The following AEBP2 variants were observed in gnomAD, a reference collection of about 807,000 sequenced individuals.
AEBP2 encodes the protein zinc finger protein AEBP2.
In AEBP2, 10 loss-of-function variants were observed where a neutral mutation model predicts 50.8. The ratio of observed to expected loss-of-function variants is 0.20; its 90% CI spans 0.12 to 0.33. The LOEUF is 0.33. AEBP2 is among the 10% of genes least tolerant of loss of function. The pLI, the probability that AEBP2 is intolerant of heterozygous loss-of-function variation, is 1.00. For synonymous variants in AEBP2, 296 were observed against 261.3 expected (o/e 1.13, Z -1.28); for missense variants, 570 against 688.0 (o/e 0.83, Z 1.92).
intron 3 of AEBP2, among the ~76,000 whole-genome samples, chr12:19,482,506 G>A (rs1948745173): frequency 6.6e-6 from 1 of 152,196 alleles, no homozygotes; most frequent in Non-Finnish European, 1.5e-5. Flanking sequence ...ATTCTGTCAT[G>A]AGTTGCTCTA....
At chr12:19,501,280 G>A (rs955680096) in intron 5 of AEBP2, among the ~76,000 whole-genome samples, 20 of 148,894 alleles carry the variant, frequency 1.3e-4, no homozygotes, top group Non-Finnish European at 2.7e-4. Flanking sequence ...GCTGTGAGCC[G>A]AGATCGCACC....
chr12:19,495,199 G>GA (rs1662358604), intron 4 of AEBP2, among the ~76,000 whole-genome samples: 3 of 152,156 alleles, frequency 2.0e-5, no homozygotes, highest in Non-Finnish European at 4.4e-5. Flanking sequence ...CACTGTGCTC[G>GA]AGCAGCTGGT....
chr12:19,497,689 C>G (rs568593113), intron 4 of AEBP2, among the ~76,000 whole-genome samples: 1 of 152,154 alleles, frequency 6.6e-6, no homozygotes, highest in East Asian at 1.9e-4. Context: ...GCCACCAAGT[C>G]TCAAACTCCT....
rs117312370 is a variant in AEBP2 at position 19,505,124 on chromosome 12, C to G, written c.1299+4903C>G. Among the ~76,000 whole-genome samples the G allele has an allele frequency of 1.9e-3, 285 of 152,302 alleles. 2 individuals carry two copies. In the East Asian group the frequency reaches 0.04, roughly 22 times the overall value. On this transcript the variant is annotated intron_variant, in intron 5 of 7. Transcript: ENST00000266508. The stretch of plus-strand genomic sequence containing the variant: ...ACCAGAAAGAGTTAATATGGCTGCT[C>G]TGGGGACTTTGTGGGGATTCAGCAA...
chr12:19,455,880 T>C (rs1948261005), intron 1 of AEBP2, among the ~76,000 whole-genome samples: 2 of 152,186 alleles, frequency 1.3e-5, no homozygotes, highest in African/African-American at 2.4e-5. Context: ...CATTTTACCA[T>C]ATGAAACAAT....
chr12:19,516,687 A>T (rs183952876), intron 7 of AEBP2, among the ~76,000 whole-genome samples: 1 of 152,162 alleles, frequency 6.6e-6, no homozygotes, highest in African/African-American at 2.4e-5. Flanking sequence ...TGTTCTTAAG[A>T]TATATTAGGT....
chr12:19,448,273 C>T (rs1036168250), intron 1 of AEBP2, among the ~76,000 whole-genome samples: 3 of 151,996 alleles, frequency 2.0e-5, no homozygotes, highest in African/African-American at 7.3e-5. Context: ...TGTTTATTTC[C>T]TCTAGGCTAT....
At chr12:19,462,946 T>C (rs1196912077) in intron 2 of AEBP2, among the ~76,000 whole-genome samples, 1 of 152,214 alleles carries the variant, frequency 6.6e-6, no homozygotes, top group African/African-American at 2.4e-5. Flanking sequence ...TTGAAGAAAT[T>C]AGACTTTTAA....
intron 1 of AEBP2, among the ~76,000 whole-genome samples, chr12:19,419,660 C>T (rs1169258283): frequency 1.3e-5 from 2 of 150,714 alleles, no homozygotes; most frequent in South Asian, 4.2e-4. Flanking sequence ...CCGGGCATGG[C>T]GGCTCACCCC....
chr12:19,406,706 G>A (rs1288129780), intron 1 of AEBP2, among the ~76,000 whole-genome samples: 1 of 151,936 alleles, frequency 6.6e-6, no homozygotes, highest in Non-Finnish European at 1.5e-5. Context: ...ATTTTACTGA[G>A]GTCTATTTTA....
chr12:19,465,308 C>T (rs540997754), intron 2 of AEBP2, among the ~76,000 whole-genome samples: 15 of 152,036 alleles, frequency 9.9e-5, no homozygotes, highest in Non-Finnish European at 1.5e-4. Context: ...ACAGAAGAAC[C>T]GCTTGAACCC....
At chr12:19,456,866 A>T in intron 1 of AEBP2, 2 of 1,512,148 alleles carry the variant, frequency 1.3e-6, no homozygotes, top group Admixed American at 3.3e-5. Flanking sequence ...CAATACCACC[A>T]ATTTTTGTAG....
At chr12:19,488,675 C>T (rs1948851349) in intron 3 of AEBP2, among the ~76,000 whole-genome samples, 1 of 152,104 alleles carries the variant, frequency 6.6e-6, no homozygotes, top group Non-Finnish European at 1.5e-5. Flanking sequence ...ATAAGATGAT[C>T]TTAGCACTTA....
intron 4 of AEBP2, among the ~76,000 whole-genome samples, chr12:19,495,189 CA>C (rs1281387081): frequency 6.6e-6 from 1 of 152,190 alleles, no homozygotes; most frequent in Non-Finnish European, 1.5e-5. Flanking sequence ...AGGCATGAGC[CA>C]CTGTGCTCGA....
At chr12:19,494,072 A>G (rs988482127) in intron 4 of AEBP2, 86 bp downstream of exon 4, 4 of 1,377,150 alleles carry the variant, frequency 2.9e-6, no homozygotes, top group Middle Eastern at 2.6e-4. Context: ...TTGAACTTCA[A>G]CTCCTCTTCT....
At position 19,500,101 on chromosome 12, in the gene AEBP2, G is replaced by A. The variant is rs758798599; in HGVS notation, c.1179G>A (p.Arg393=). 8 of 1,604,200 alleles carry A rather than the reference G, an allele frequency of 5.0e-6. No homozygotes were observed. In the East Asian group the frequency reaches 9.0e-5, roughly 18 times the overall value. ...ACTTTTTATGTTGACTTTTAGCACGGCCACATGATTTCTTCGATGCACAAA... is the reference window on the plus strand; with the variant it reads ...ACTTTTTATGTTGACTTTTAGCACGACCACATGATTTCTTCGATGCACAAA... ...LKNKRRRSLP[R]PHDFFDAQTL... Residue 393 remains arginine, a synonymous_variant, in exon 5 of 8, where the codon CGG becomes CGA. Transcript: ENST00000266508.
intron 2 of AEBP2, chr12:19,466,819 G>C: frequency 1.0e-6 from 1 of 984,392 alleles, no homozygotes; most frequent in Non-Finnish European, 1.2e-6. Context: ...TTATGCTTCT[G>C]ATTATTGAAA....
intron 2 of AEBP2, among the ~76,000 whole-genome samples, chr12:19,471,427 T>C (rs1233585209): frequency 5.9e-5 from 9 of 152,112 alleles, no homozygotes; most frequent in Non-Finnish European, 1.0e-4. Flanking sequence ...AGTCTAGTAG[T>C]CTTGATTTCA....
rs376267999 is a variant in AEBP2 at position 19,406,428 on chromosome 12, G to A, written c.-17+2212G>A. On this transcript the variant is annotated intron_variant, in intron 1 of 3. Coordinates refer to the AEBP2 transcript ENST00000538425. Reference sequence around the variant, plus strand: ...ACTAACAATCTTCAGATAAATAGACGCACACTTTGGGAGGCCCAGGTGGGT... The same window carrying A: ...ACTAACAATCTTCAGATAAATAGACACACACTTTGGGAGGCCCAGGTGGGT... Among the ~76,000 whole-genome samples, 125 of 152,076 alleles carry A rather than the reference G, an allele frequency of 8.2e-4. 1 individual carries two copies. Among genetic ancestry groups the A allele is most frequent in the African/African-American group, 3.0e-3 (123 of 41,516 alleles).
Sources: allele counts gnomAD v4.1 joint callset (sites outside exome capture counted in the v4.1 genomes callset), GRCh38; gene constraint gnomAD v4.1.1; transcripts MANE v1.5; gene names NCBI Gene and HGNC (gene_info 2026-07-23, HGNC 2026-07-21).